Variants in UQCRC2 observed in about 807,000 individuals in gnomAD.
UQCRC2 encodes the protein cytochrome b-c1 complex subunit 2, mitochondrial.
In UQCRC2, 49 loss-of-function variants were observed where a neutral mutation model predicts 55.6. The ratio of observed to expected loss-of-function variants is 0.88; its 90% CI spans 0.70 to 1.12. UQCRC2 has a LOEUF of 1.12. UQCRC2 is among the 50% of genes most tolerant of loss of function. The pLI, the probability that UQCRC2 is intolerant of heterozygous loss-of-function variation, is 0.00. For synonymous variants in UQCRC2, 193 were observed against 192.0 expected (o/e 1.01, Z -0.04); for missense variants, 506 against 547.8 (o/e 0.92, Z 0.76).
chr16:21,962,967 G>A, intron 6 of UQCRC2, 82 bp downstream of exon 6: 1 of 1,470,920 alleles, frequency 6.8e-7, no homozygotes, highest in Non-Finnish European at 9.1e-7. Context: ...AAAAATTGCT[G>A]TCAAAATTTT....
At chr16:21,979,863 T>C (rs1445151783) in intron 12 of UQCRC2, among the ~76,000 whole-genome samples, 1 of 152,222 alleles carries the variant, frequency 6.6e-6, no homozygotes, top group African/African-American at 2.4e-5. Context: ...TGGTCCATCA[T>C]TGACCAAAAA....
Position 21,965,457 on chromosome 16 carries a change from T to C in UQCRC2, c.564T>C (p.Asn188=), listed in dbSNP as rs760325986. 1 of 1,613,950 alleles carries C rather than the reference T, an allele frequency of 6.2e-7. No homozygotes were observed. The highest frequency in any genetic ancestry group is 1.1e-5 in the South Asian group (1 of 91,076). ...HAAAYRNALA[N]PLYCPDYRIG... ...CAGCTTACCGGAATGCCTTGGCTAATCCCTTGTATTGTCCTGACTATAGGA... is the reference window on the plus strand; with the variant it reads ...CAGCTTACCGGAATGCCTTGGCTAACCCCTTGTATTGTCCTGACTATAGGA... The change falls in exon 7 of 14, where the codon AAT becomes AAC. Residue 188 remains asparagine (N), a synonymous_variant. Coordinates refer to ENST00000268379, the MANE Select transcript of UQCRC2 (RefSeq NM_003366.4).
At chr16:21,978,402 T>C (rs1216948792) in intron 12 of UQCRC2, among the ~76,000 whole-genome samples, 1 of 152,222 alleles carries the variant, frequency 6.6e-6, no homozygotes, top group African/African-American at 2.4e-5. Flanking sequence ...ACACCATGTC[T>C]ATAAGTAATA....
intron 3 of UQCRC2, among the ~76,000 whole-genome samples, chr16:21,958,088 T>TG (rs987797608): frequency 3.3e-5 from 5 of 152,080 alleles, no homozygotes; most frequent in Non-Finnish European, 5.9e-5. Flanking sequence ...GACATAAATT[T>TG]GGGGGGGAAC....
intron 4 of UQCRC2, among the ~76,000 whole-genome samples, chr16:21,959,172 G>C (rs1298115752): frequency 6.6e-6 from 1 of 152,106 alleles, no homozygotes; most frequent in African/African-American, 2.4e-5. Context: ...AGTGAAGTTT[G>C]CTGCATTGAT....
rs771639526 is a variant in UQCRC2 at position 21,983,194 on chromosome 16, G to A, written c.*23G>A. On this transcript the variant is annotated 3_prime_UTR_variant, in exon 14 of 14. Coordinates refer to ENST00000268379, the MANE Select transcript of UQCRC2 (RefSeq NM_003366.4). ...TAATACTGATGCACACATTACAGGA[G>A]AGAGCTGAACGTTCTCTCAGCCCAG... The A allele has an allele frequency of 4.4e-6, 7 of 1,604,678 alleles. No individual in the cohort carries two copies. The East Asian group carries it at 1.6e-4, about 36-fold the overall frequency.
chr16:21,973,845 C>T (rs1249543874), intron 10 of UQCRC2, 51 bp from the exon 11 acceptor site: 5 of 1,540,516 alleles, frequency 3.2e-6, no homozygotes, highest in Admixed American at 1.9e-5. Context: ...AGAAATCGTG[C>T]CCTGTTTTAC....
intron 13 of UQCRC2, among the ~76,000 whole-genome samples, chr16:21,982,722 T>G (rs896759623): frequency 2.6e-5 from 4 of 152,190 alleles, no homozygotes; most frequent in Admixed American, 6.5e-5. Flanking sequence ...CCCAGCACTT[T>G]GGGAGGTTAA....
chr16:21,971,502 T>C, intron 8 of UQCRC2, 23 bp from the exon 9 acceptor site: 1 of 1,575,214 alleles, frequency 6.3e-7, no homozygotes, highest in Non-Finnish European at 8.7e-7. Flanking sequence ...GTTCTAGCTT[T>C]GTTTTTGCTT....
chr16:21,968,417 A>G (rs1898379297), intron 7 of UQCRC2: 1 of 409,858 alleles, frequency 2.4e-6, no homozygotes, highest in Non-Finnish European at 4.3e-6. Flanking sequence ...GAGTTGTGCA[A>G]CCATGACCAC....
At chr16:21,979,360 A>G (rs1597969097) in intron 12 of UQCRC2, among the ~76,000 whole-genome samples, 1 of 152,222 alleles carries the variant, frequency 6.6e-6, no homozygotes, top group Non-Finnish European at 1.5e-5. Context: ...CATGGGTCAC[A>G]TAACGATGGG....
intron 5 of UQCRC2, 75 bp downstream of exon 5, chr16:21,962,591 C>A: frequency 6.2e-7 from 1 of 1,600,514 alleles, no homozygotes; most frequent in Non-Finnish European, 8.6e-7. Flanking sequence ...CTTTGTAATG[C>A]GTCATTATGA....
intron 8 of UQCRC2, among the ~76,000 whole-genome samples, chr16:21,969,831 A>G (rs556177870): frequency 2.0e-5 from 3 of 149,948 alleles, no homozygotes; most frequent in Admixed American, 2.0e-4. Flanking sequence ...CCCCATTCTC[A>G]TCTTCCCCCT....
rs1597954308 is a variant in UQCRC2 at position 21,962,627 on chromosome 16, G to A, written c.389+111G>A. 13 of 1,590,158 alleles carry A rather than the reference G, an allele frequency of 8.2e-6. No homozygotes were observed. In the East Asian group the frequency reaches 2.9e-4, roughly 36 times the overall value. ...CCTCTGACTTCCATTTTGGATTATTGTTCATAAACTGCTCAAAAACACTGC... is the reference window on the plus strand; with the variant it reads ...CCTCTGACTTCCATTTTGGATTATTATTCATAAACTGCTCAAAAACACTGC... On this transcript the variant is annotated intron_variant, in intron 5 of 13. Transcript: ENST00000268379.
At chr16:21,961,261 G>A in intron 4 of UQCRC2, 1 of 411,070 alleles carries the variant, frequency 2.4e-6, no homozygotes, top group Non-Finnish European at 4.9e-6. Context: ...AAACCCCACA[G>A]TTTTTAATCA....
At chr16:21,977,347 C>T (rs906875226) in intron 12 of UQCRC2, among the ~76,000 whole-genome samples, 1 of 151,806 alleles carries the variant, frequency 6.6e-6, no homozygotes, top group African/African-American at 2.4e-5. Context: ...GAGCAAGACC[C>T]TGTCTCTTAA....
intron 7 of UQCRC2, among the ~76,000 whole-genome samples, chr16:21,967,006 G>T (rs1230508585): frequency 6.6e-6 from 1 of 152,006 alleles, no homozygotes; most frequent in Non-Finnish European, 1.5e-5. Flanking sequence ...CATACCAAAA[G>T]GTCCCTTTTT....
chr16:21,976,374 A>AC (rs1898586283), intron 12 of UQCRC2, 131 bp downstream of exon 12: 2 of 742,994 alleles, frequency 2.7e-6, no homozygotes, highest in Non-Finnish European at 4.4e-6. Flanking sequence ...AGGGAAACAT[A>AC]CCCATATCCT....
Position 21,954,680 on chromosome 16 carries a change from G to T in UQCRC2, c.33+1224G>T, listed in dbSNP as rs1015456423. Among the ~76,000 whole-genome samples the T allele has an allele frequency of 4.6e-5, 7 of 152,244 alleles. No individual in the cohort carries two copies. In the East Asian group the frequency reaches 5.8e-4, roughly 13 times the overall value. Reference sequence around the variant, plus strand: ...TAAACTTAGATATATCTTGTTATTAGAACAAAATAATTTAGAAGATTGCAT... The same window carrying T: ...TAAACTTAGATATATCTTGTTATTATAACAAAATAATTTAGAAGATTGCAT... On this transcript the variant is annotated intron_variant, in intron 1 of 13. Transcript: ENST00000268379.
Sources: gnomAD v4.1 joint callset for allele counts (sites outside exome capture counted in the v4.1 genomes callset) on GRCh38, gnomAD v4.1.1 for gene constraint, MANE v1.5 for transcripts, NCBI Gene and HGNC (gene_info 2026-07-23, HGNC 2026-07-21) for gene names.